KDM4C: variants seen among roughly 807,000 people sequenced by gnomAD.
The protein encoded by KDM4C is lysine-specific demethylase 4C.
KDM4C carries 81 observed loss-of-function variants against 129.3 expected under a neutral mutation model. That is an observed-to-expected ratio of 0.63 (90% CI 0.52 to 0.75). The LOEUF is 0.75. Among genes scored for constraint, KDM4C ranks in the 30% least tolerant of loss-of-function variants. The probability of loss-of-function intolerance (pLI) is 0.00; values close to 1 mark genes in which losing one functional copy is unlikely to be tolerated. For missense variants in KDM4C, 1,457 were observed against 1,304.0 expected (o/e 1.12, Z -1.81); for synonymous variants, 573 against 456.1 (o/e 1.26, Z -3.26).
chr9:6,893,770 TA>T (rs1230650517), intron 8 of KDM4C: 4 of 152,224 alleles, frequency 2.6e-5, no homozygotes, highest in Admixed American at 2.6e-4. Flanking sequence ...AAATTTGGTA[TA>T]AAATTTTGCA....
At chr9:7,062,328 T>C (rs1475644604) in intron 17 of KDM4C, among the ~76,000 whole-genome samples, 2 of 152,092 alleles carry the variant, frequency 1.3e-5, no homozygotes, top group Non-Finnish European at 2.9e-5. Flanking sequence ...GCTGAAGTTG[T>C]CACTTGTCTT....
chr9:7,156,679 T>A (rs1236097329), intron 19 of KDM4C, among the ~76,000 whole-genome samples: 2 of 152,208 alleles, frequency 1.3e-5, no homozygotes, highest in Non-Finnish European at 2.9e-5. Context: ...GTGGTGTTAT[T>A]TCTGAGGCCT....
At chr9:7,064,501 G>A (rs1030046262) in intron 17 of KDM4C, among the ~76,000 whole-genome samples, 2 of 152,130 alleles carry the variant, frequency 1.3e-5, no homozygotes, top group Admixed American at 6.5e-5. Context: ...GAATTGATAC[G>A]AGGCAGGGTT....
At chr9:6,985,370 A>T (rs1309483321) in intron 10 of KDM4C, among the ~76,000 whole-genome samples, 1 of 152,176 alleles carries the variant, frequency 6.6e-6, no homozygotes, top group African/African-American at 2.4e-5. Flanking sequence ...AGCTGTGTGG[A>T]TAGAGTTTAA....
At chr9:7,119,386 C>G (rs1338935205) in intron 18 of KDM4C, among the ~76,000 whole-genome samples, 1 of 152,088 alleles carries the variant, frequency 6.6e-6, no homozygotes, top group Admixed American at 6.6e-5. Flanking sequence ...TTAATTCTAG[C>G]ACAAATTTAA....
chr9:6,796,968 A>G (rs1397309877), intron 2 of KDM4C, among the ~76,000 whole-genome samples: 1 of 151,206 alleles, frequency 6.6e-6, no homozygotes, highest in Non-Finnish European at 1.5e-5. Context: ...CGAGCCACCC[A>G]TGATGTTCTT....
intron 8 of KDM4C, among the ~76,000 whole-genome samples, chr9:6,896,630 C>T (rs1816503673): frequency 6.6e-6 from 1 of 151,752 alleles, no homozygotes; most frequent in African/African-American, 2.4e-5. Context: ...CAGTAGGGAC[C>T]TTTTGATCAT....
intron 21 of KDM4C, among the ~76,000 whole-genome samples, chr9:7,171,313 G>A (rs1844938323): frequency 6.6e-6 from 1 of 152,106 alleles, no homozygotes; most frequent in African/African-American, 2.4e-5. Context: ...CTGTTGTAAA[G>A]ATACCAGCCA....
intron 8 of KDM4C, among the ~76,000 whole-genome samples, chr9:6,944,221 G>C (rs1323931003): frequency 6.6e-6 from 1 of 152,168 alleles, no homozygotes; most frequent in East Asian, 1.9e-4. Flanking sequence ...GAACATCCTT[G>C]CATTTGAACT....
intron 3 of KDM4C, 73 bp from the exon 4 acceptor site, chr9:6,814,558 T>C: frequency 1.1e-6 from 1 of 909,574 alleles, no homozygotes; most frequent in East Asian, 2.6e-5. Flanking sequence ...GAAAGTGATT[T>C]AAATCAATTT....
chr9:7,017,716 G>C (rs1823940096), intron 15 of KDM4C, among the ~76,000 whole-genome samples: 1 of 152,194 alleles, frequency 6.6e-6, no homozygotes, highest in African/African-American at 2.4e-5. Flanking sequence ...GATTTCAGCT[G>C]TAATAGCAGC....
At chr9:6,798,182 T>C (rs1828106933) in intron 2 of KDM4C, among the ~76,000 whole-genome samples, 1 of 152,206 alleles carries the variant, frequency 6.6e-6, no homozygotes, top group South Asian at 2.1e-4. Context: ...GTTTATTGTG[T>C]GCCTTGCTTC....
At chr9:6,878,692 C>T (rs1306389513) in intron 5 of KDM4C, among the ~76,000 whole-genome samples, 1 of 152,098 alleles carries the variant, frequency 6.6e-6, no homozygotes, top group Non-Finnish European at 1.5e-5. Flanking sequence ...ATCTCCATAT[C>T]CTACCTTTTT....
chr9:6,809,446 G>A (rs550872077), intron 3 of KDM4C, among the ~76,000 whole-genome samples: 1 of 152,286 alleles, frequency 6.6e-6, no homozygotes, highest in Admixed American at 6.5e-5. Context: ...AATAGGTTAG[G>A]TCATTGAGTA....
At chr9:6,835,596 G>T (rs895750890) in intron 4 of KDM4C, 7 of 891,634 alleles carry the variant, frequency 7.9e-6, no homozygotes, top group Non-Finnish European at 1.3e-5. Flanking sequence ...TGACTTAGTT[G>T]TGTTACACCC....
chr9:6,770,896 C>T (rs1270538617), intron 1 of KDM4C, among the ~76,000 whole-genome samples: 1 of 150,946 alleles, frequency 6.6e-6, no homozygotes, highest in Non-Finnish European at 1.5e-5. Context: ...CTGCCTCAGC[C>T]TCCAGAGTAG....
At chr9:6,835,663 T>C (rs1588598853) in intron 4 of KDM4C, 1 of 742,516 alleles carries the variant, frequency 1.3e-6, no homozygotes, top group Non-Finnish European at 2.4e-6. Context: ...ATGGCTTTAT[T>C]TTTTGTTTTG....
At chr9:7,159,611 G>A (rs1263459826) in intron 19 of KDM4C, among the ~76,000 whole-genome samples, 1 of 152,190 alleles carries the variant, frequency 6.6e-6, no homozygotes, top group African/African-American at 2.4e-5. Context: ...GGCTGGATAT[G>A]AAATTCTGGC....
At chr9:6,766,478 G>A (rs1820648028) in intron 1 of KDM4C, among the ~76,000 whole-genome samples, 1 of 152,142 alleles carries the variant, frequency 6.6e-6, no homozygotes, top group South Asian at 2.1e-4. Context: ...GGGTCTCGGT[G>A]TGGGACATTT....
Sources: allele counts gnomAD v4.1 joint callset (sites outside exome capture counted in the v4.1 genomes callset), GRCh38; gene constraint gnomAD v4.1.1; transcripts MANE v1.5; gene names NCBI Gene and HGNC (gene_info 2026-07-23, HGNC 2026-07-21).